RABGEF1: variants seen among roughly 807,000 people sequenced by gnomAD.
RABGEF1 encodes the protein rab5 GDP/GTP exchange factor.
RABGEF1 carries 26 observed loss-of-function variants against 57.3 expected under a neutral mutation model. That is an observed-to-expected ratio of 0.45 (90% confidence interval 0.33 to 0.63). The LOEUF (loss-of-function observed/expected upper bound fraction) is 0.63, where lower values mean the gene tolerates loss of function less well. Among genes scored for constraint, RABGEF1 ranks in the 20% least tolerant of loss-of-function variants. The pLI, the probability that RABGEF1 is intolerant of heterozygous loss-of-function variation, is 0.02. For synonymous variants in RABGEF1, 185 were observed against 210.7 expected (o/e 0.88, Z 1.06); for missense variants, 464 against 607.6 (o/e 0.76, Z 2.48).
chr7:66,756,998 A>C (rs1316687790), intron 1 of RABGEF1, among the ~76,000 whole-genome samples: 1 of 152,202 alleles, frequency 6.6e-6, no homozygotes, highest in East Asian at 1.9e-4. Flanking sequence ...AAAATTCAGA[A>C]AATTAATTTA....
At chr7:66,767,567 A>G (rs1455797758) in intron 1 of RABGEF1, among the ~76,000 whole-genome samples, 1 of 152,168 alleles carries the variant, frequency 6.6e-6, no homozygotes, top group Non-Finnish European at 1.5e-5. Context: ...CCAAATTCAT[A>G]TGTTGAAATT....
chr7:66,801,096 T>C (rs569983522), intron 7 of RABGEF1, among the ~76,000 whole-genome samples: 1 of 152,310 alleles, frequency 6.6e-6, no homozygotes, highest in South Asian at 2.1e-4. Flanking sequence ...CGAACACTCT[T>C]TAGGACTTCT....
chr7:66,658,973 G>A, the RABGEF1 span, among the ~76,000 whole-genome samples: 1 of 152,028 alleles, frequency 6.6e-6, no homozygotes, highest in African/African-American at 2.4e-5. Flanking sequence ...CTGACCTCAT[G>A]ATCCGCCTGC....
chr7:66,742,868 A>G (rs1400408421), intron 1 of RABGEF1, among the ~76,000 whole-genome samples: 1 of 152,144 alleles, frequency 6.6e-6, no homozygotes, highest in Non-Finnish European at 1.5e-5. Flanking sequence ...CAAGCGTCCC[A>G]AGTGCTGAAA....
At chr7:66,787,634 A>G (rs1019199274) in intron 4 of RABGEF1, among the ~76,000 whole-genome samples, 4 of 152,046 alleles carry the variant, frequency 2.6e-5, no homozygotes, top group African/African-American at 9.7e-5. Flanking sequence ...ATTGAGCCAC[A>G]ATACCTGGCC....
chr7:66,800,404 G>A (rs532703988), intron 7 of RABGEF1, among the ~76,000 whole-genome samples: 83 of 152,264 alleles, frequency 5.5e-4, no homozygotes, highest in African/African-American at 1.9e-3. Context: ...CACTTTCTCG[G>A]GTTCTGCTTC....
Position 66,775,278 on chromosome 7 carries a change from G to A in RABGEF1, c.231G>A (p.Gly77=). The A allele has an allele frequency of 6.2e-7, 1 of 1,613,794 alleles. No individual in the cohort carries two copies. Among genetic ancestry groups the A allele is most frequent in the Non-Finnish European group, 8.5e-7 (1 of 1,179,802 alleles). The part of the protein sequence containing the change: ...EAFASSQSSQ[G]AQSLTFSKFE... ...TTGCCAGCAGTCAGAGCAGCCAAGG[G>A]GCCCAATCCCTCACATTCTCCAAGT... Residue 77 remains glycine, a synonymous_variant, in exon 3 of 9, where the codon GGG becomes GGA. Transcript: ENST00000284957.
chr7:66,808,808 G>A, intron 8 of RABGEF1, 78 bp from the exon 9 acceptor site: 1 of 1,369,696 alleles, frequency 7.3e-7, no homozygotes, highest in Non-Finnish European at 9.9e-7. Flanking sequence ...AATGGTCTGT[G>A]ATCAAAAGAT....
intron 2 of RABGEF1, among the ~76,000 whole-genome samples, chr7:66,734,156 T>G (rs886116000): frequency 6.6e-6 from 1 of 152,214 alleles, no homozygotes; most frequent in Non-Finnish European, 1.5e-5. Flanking sequence ...TTTTGAAGAT[T>G]AGACGCATTG....
intron 8 of RABGEF1, among the ~76,000 whole-genome samples, chr7:66,806,948 A>G (rs1188308497): frequency 6.6e-6 from 1 of 152,082 alleles, no homozygotes; most frequent in East Asian, 1.9e-4. Flanking sequence ...CTGGCCTCAT[A>G]TTTCTTAATA....
At chr7:66,775,110 A>G in intron 2 of RABGEF1, 117 bp from the exon 3 acceptor site, 3 of 1,122,208 alleles carry the variant, frequency 2.7e-6, no homozygotes, top group South Asian at 1.8e-5. Flanking sequence ...GATTTGGCAT[A>G]TTTAGTCTCT....
chr7:66,706,584 T>C (rs1794123520), intron 1 of RABGEF1, among the ~76,000 whole-genome samples: 1 of 151,256 alleles, frequency 6.6e-6, no homozygotes, highest in Non-Finnish European at 1.5e-5. Flanking sequence ...TAATTTTTTG[T>C]ATTTTTAGTA....
At chr7:66,693,984 T>A (rs1010474724) in intron 1 of RABGEF1, among the ~76,000 whole-genome samples, 2 of 152,104 alleles carry the variant, frequency 1.3e-5, no homozygotes, top group African/African-American at 4.8e-5. Flanking sequence ...ATTTTTTGTA[T>A]TTTTAGTAGA....
chr7:66,798,179 A>T (rs1786456412), intron 6 of RABGEF1, among the ~76,000 whole-genome samples: 1 of 152,168 alleles, frequency 6.6e-6, no homozygotes, highest in Non-Finnish European at 1.5e-5. Flanking sequence ...TGCATTTTTC[A>T]GCATTCCCTA....
upstream of RABGEF1, among the ~76,000 whole-genome samples, chr7:66,677,952 C>G (rs1261429259): frequency 6.6e-6 from 1 of 151,538 alleles, no homozygotes; most frequent in African/African-American, 2.4e-5. Flanking sequence ...GTAGTCCCAG[C>G]TACTTGGGGG....
chr7:66,738,016 TTTTTTTG>T (rs1798222557), upstream of RABGEF1, among the ~76,000 whole-genome samples: 13 of 132,444 alleles, frequency 9.8e-5, no homozygotes, highest in South Asian at 2.8e-3. Context: ...TGTTTTTTGT[TTTTTTTG>T]TTTTTTTTTT....
chr7:66,790,009 G>T (rs897537408), intron 4 of RABGEF1, among the ~76,000 whole-genome samples: 3 of 152,250 alleles, frequency 2.0e-5, no homozygotes, highest in African/African-American at 7.2e-5. Context: ...AGTCAAGTTA[G>T]AAGAGCAGCT....
In RABGEF1 at chr7:66,691,692, A is replaced by G. The variant is rs150425764; in HGVS notation, c.-873+9434A>G. 2.1e-3 allele frequency among the ~76,000 whole-genome samples: 321 copies of G among 152,250 alleles called. 1 individual carries two copies. The highest frequency in any genetic ancestry group is 7.1e-3 in the African/African-American group (296 of 41,540). On this transcript the variant is annotated intron_variant and NMD_transcript_variant, in intron 1 of 9. Transcript: ENST00000607882. ...GAGAAATTCAACATTTTATTACAAA[A>G]TAGGGTTTGTGTTCAATAATTTTGC...
At chr7:66,676,006 G>A in the RABGEF1 span, among the ~76,000 whole-genome samples, 2 of 152,124 alleles carry the variant, frequency 1.3e-5, no homozygotes, top group Admixed American at 1.3e-4. Context: ...ATATATCCTG[G>A]ATAACAATCC....
Sources: allele counts gnomAD v4.1 joint callset (sites outside exome capture counted in the v4.1 genomes callset), GRCh38; gene constraint gnomAD v4.1.1; transcripts MANE v1.5; gene names NCBI Gene and HGNC (gene_info 2026-07-23, HGNC 2026-07-21).